DLG2: variants seen among roughly 807,000 people sequenced by gnomAD.
DLG2 encodes the protein disks large homolog 2.
A neutral mutation model predicts 132.5 loss-of-function variants in DLG2; 45 were observed. The ratio of observed to expected loss-of-function variants is 0.34; its 90% CI spans 0.27 to 0.44. The LOEUF is 0.44. Among genes scored for constraint, DLG2 ranks in the 20% least tolerant of loss-of-function variants. The probability of loss-of-function intolerance (pLI) is 1.00; values close to 1 mark genes in which losing one functional copy is unlikely to be tolerated. For missense variants in DLG2, 1,045 were observed against 1,196.9 expected (o/e 0.87, Z 1.87); for synonymous variants, 424 against 419.6 (o/e 1.01, Z -0.13).
chr11:85,033,251 T>C (rs534414453), intron 6 of DLG2, among the ~76,000 whole-genome samples: 16 of 152,208 alleles, frequency 1.1e-4, no homozygotes, highest in African/African-American at 3.6e-4. Context: ...AAGCATTCCA[T>C]TAAAAGATGT....
intron 7 of DLG2, among the ~76,000 whole-genome samples, chr11:84,371,432 T>C (rs966225193): frequency 2.0e-5 from 3 of 151,876 alleles, no homozygotes; most frequent in African/African-American, 7.3e-5. Context: ...ATTTTTTGTA[T>C]AGACGGGGTT....
At chr11:84,365,723 T>A (rs567615039) in intron 7 of DLG2, among the ~76,000 whole-genome samples, 1 of 151,556 alleles carries the variant, frequency 6.6e-6, no homozygotes, top group Non-Finnish European at 1.5e-5. Context: ...CTTTGTTCTC[T>A]TTGGTTTCAA....
At chr11:83,783,923 G>A (rs555459585) in intron 18 of DLG2, among the ~76,000 whole-genome samples, 1 of 152,132 alleles carries the variant, frequency 6.6e-6, no homozygotes, top group South Asian at 2.1e-4. Context: ...TCTATTAAAT[G>A]TATAAAAATC....
chr11:84,492,251 C>T (rs1387429565), intron 7 of DLG2, among the ~76,000 whole-genome samples: 4 of 152,092 alleles, frequency 2.6e-5, no homozygotes, highest in South Asian at 2.1e-4. Flanking sequence ...GCCAAGCTAA[C>T]TGCATATAAT....
intron 3 of DLG2, among the ~76,000 whole-genome samples, chr11:85,305,142 A>G (rs758355280): frequency 7.9e-5 from 12 of 152,232 alleles, no homozygotes; most frequent in Non-Finnish European, 1.6e-4. Context: ...GAAGCTTACA[A>G]TCTAATGAAA....
At chr11:84,742,774 G>A (rs1273373929) in intron 6 of DLG2, among the ~76,000 whole-genome samples, 1 of 151,928 alleles carries the variant, frequency 6.6e-6, no homozygotes, top group African/African-American at 2.4e-5. Flanking sequence ...TAATTTCACT[G>A]CCCAAAAAAT....
chr11:85,036,638 A>C (rs902842679), intron 6 of DLG2, among the ~76,000 whole-genome samples: 1 of 152,232 alleles, frequency 6.6e-6, no homozygotes, highest in Non-Finnish European at 1.5e-5. Flanking sequence ...AAATATTACC[A>C]TGCATTTATT....
At chr11:83,480,482 C>T (rs896350352) in intron 22 of DLG2, 4 of 1,498,666 alleles carry the variant, frequency 2.7e-6, no homozygotes, top group Non-Finnish European at 3.6e-6. Flanking sequence ...GAAAGGAATA[C>T]ACTCATGCAA....
intron 6 of DLG2, among the ~76,000 whole-genome samples, chr11:85,022,329 A>T (rs1278092144): frequency 6.6e-6 from 1 of 152,134 alleles, no homozygotes; most frequent in Non-Finnish European, 1.5e-5. Context: ...GGTTCTTAAA[A>T]TAGAAAATGA....
At position 84,251,290 on chromosome 11, in the gene DLG2, G is replaced by A. The variant is rs145095250; in HGVS notation, c.521C>T (p.Ala174Val). The change falls in exon 8 of 28, where the codon GCC (alanine) becomes GTC (valine). Residue 174 changes from alanine (A) to valine (V), a missense_variant and splice_region_variant. By Grantham distance (64) the Ala-to-Val change is moderately conservative (BLOSUM62 0). This residue lies in a region of DLG2 where 277 missense variants were observed against 238.2 expected (regional missense o/e 1.16). Transcript: ENST00000376104. ...GTTGACAATTATAGGAGCAGGACTG[G>A]CCTGAAAAAAGAAATAGAAAAAAAA... ...VLQSHISPLKASPAPIIVNTD... is the reference protein window; with the variant it reads ...VLQSHISPLKVSPAPIIVNTD... The A allele has an allele frequency of 5.1e-6, 8 of 1,579,952 alleles. No homozygotes were observed. The highest frequency in any genetic ancestry group is 6.0e-6 in the Non-Finnish European group (7 of 1,167,254).
At chr11:85,334,959 T>A (rs1016379538) in intron 3 of DLG2, among the ~76,000 whole-genome samples, 1 of 152,150 alleles carries the variant, frequency 6.6e-6, no homozygotes, top group Non-Finnish European at 1.5e-5. Flanking sequence ...AGTCTTGAGT[T>A]TAGGTCCTGA....
At chr11:85,100,888 T>C (rs1488867118) in intron 6 of DLG2, among the ~76,000 whole-genome samples, 1 of 152,194 alleles carries the variant, frequency 6.6e-6, no homozygotes, top group Non-Finnish European at 1.5e-5. Context: ...TTAAGGTTAT[T>C]GGAGCATTAT....
At chr11:85,126,401 G>C (rs761731377) in intron 5 of DLG2, among the ~76,000 whole-genome samples, 1 of 152,140 alleles carries the variant, frequency 6.6e-6, no homozygotes, top group Non-Finnish European at 1.5e-5. Context: ...TCCTCTTGCA[G>C]CTGGATGGAA....
rs2154350636 is a variant in DLG2 at position 84,251,223 on chromosome 11, G to C, written c.573+15C>G. On this transcript the variant is annotated intron_variant, in intron 8 of 27. Coordinates refer to ENST00000376104, the MANE Select transcript of DLG2 (RefSeq NM_001142699.3). ...CACAGTTTTAAAAGAAGGTAGTAAT[G>C]AAAAAGTTACTTACATAAGGAATTG... 1 of 1,545,600 alleles carries C rather than the reference G, an allele frequency of 6.5e-7. No individual in the cohort carries two copies. The highest frequency in any genetic ancestry group is 2.3e-5 in the East Asian group (1 of 42,692).
intron 8 of DLG2, among the ~76,000 whole-genome samples, chr11:84,197,328 C>CTA (rs1021039011): frequency 5.9e-5 from 9 of 152,020 alleles, no homozygotes; most frequent in Admixed American, 2.6e-4. Flanking sequence ...GTGAGGTGAT[C>CTA]TATATATATA....
intron 6 of DLG2, among the ~76,000 whole-genome samples, chr11:84,718,971 C>A (rs1416928303): frequency 6.6e-6 from 1 of 152,172 alleles, no homozygotes; most frequent in Non-Finnish European, 1.5e-5. Flanking sequence ...AAACATAAAT[C>A]TCTGGCAATA....
chr11:84,124,142 A>C (rs1056926407), intron 9 of DLG2, among the ~76,000 whole-genome samples: 1 of 152,236 alleles, frequency 6.6e-6, no homozygotes, highest in Admixed American at 6.5e-5. Flanking sequence ...CACAAAGCCT[A>C]TTCAGGTGGC....
intron 4 of DLG2, among the ~76,000 whole-genome samples, chr11:85,223,646 T>G (rs890343679): frequency 6.6e-6 from 1 of 151,940 alleles, no homozygotes; most frequent in Non-Finnish European, 1.5e-5. Context: ...GTTTTTTTGT[T>G]GTTGTTTTTG....
At chr11:84,319,315 A>G (rs2154396282) in intron 7 of DLG2, among the ~76,000 whole-genome samples, 1 of 152,300 alleles carries the variant, frequency 6.6e-6, no homozygotes, top group South Asian at 2.1e-4. Context: ...TATAACCATG[A>G]TGCATGGCTG....
Sources: gnomAD v4.1 joint callset for allele counts (sites outside exome capture counted in the v4.1 genomes callset) on GRCh38, gnomAD v4.1.1 for gene constraint, gnomAD v4.1.1 regional missense constraint, MANE v1.5 for transcripts, NCBI Gene and HGNC (gene_info 2026-07-23, HGNC 2026-07-21) for gene names.